Variants in MMP16 observed in about 807,000 individuals in gnomAD.
MMP16 encodes matrix metalloproteinase-16.
A neutral mutation model predicts 67.8 loss-of-function variants in MMP16; 12 were observed. The observed-to-expected ratio is 0.18, with a 90% CI of 0.11 to 0.29. The LOEUF (loss-of-function observed/expected upper bound fraction) is 0.29, where lower values mean the gene tolerates loss of function less well. Among genes scored for constraint, MMP16 ranks in the 10% least tolerant of loss-of-function variants. The probability of loss-of-function intolerance (pLI) is 1.00; values close to 1 mark genes in which losing one functional copy is unlikely to be tolerated. For synonymous variants in MMP16, 249 were observed against 255.9 expected (o/e 0.97, Z 0.26); for missense variants, 475 against 765.7 (o/e 0.62, Z 4.48).
chr8:88,113,286 T>A (rs1809371725), intron 6 of MMP16, among the ~76,000 whole-genome samples: 1 of 151,824 alleles, frequency 6.6e-6, no homozygotes, highest in Non-Finnish European at 1.5e-5. Flanking sequence ...AGATGGGACA[T>A]CAGGAAGATG....
chr8:88,141,173 T>A (rs536613350), intron 4 of MMP16, among the ~76,000 whole-genome samples: 81 of 152,260 alleles, frequency 5.3e-4, no homozygotes, highest in African/African-American at 1.8e-3. Context: ...AATGACCAAG[T>A]GGAAGGAAAT....
chr8:88,287,501 T>A (rs1228445977), intron 1 of MMP16, among the ~76,000 whole-genome samples: 1 of 152,212 alleles, frequency 6.6e-6, no homozygotes, highest in Non-Finnish European at 1.5e-5. Context: ...ATTTACTTCA[T>A]ACATAATACC....
At chr8:88,160,578 A>G (rs950532710) in intron 4 of MMP16, among the ~76,000 whole-genome samples, 5 of 152,132 alleles carry the variant, frequency 3.3e-5, no homozygotes, top group African/African-American at 1.2e-4. Context: ...CAAAACCATG[A>G]TGAGATACCA....
chr8:88,306,514 G>C (rs1811213896), intron 1 of MMP16, among the ~76,000 whole-genome samples: 1 of 152,080 alleles, frequency 6.6e-6, no homozygotes, highest in South Asian at 2.1e-4. Flanking sequence ...GATGAACATG[G>C]ATGTAAAAAT....
At chr8:88,068,610 ATC>A (rs1808493789) in intron 7 of MMP16, among the ~76,000 whole-genome samples, 1 of 152,006 alleles carries the variant, frequency 6.6e-6, no homozygotes. Context: ...TTTTACATGT[ATC>A]TTTGTCAAAA....
In MMP16 at chr8:88,065,101, G is replaced by C. The variant is rs563528518; in HGVS notation, c.1223-8823C>G. Among the ~76,000 whole-genome samples the C allele has an allele frequency of 3.3e-3, 508 of 152,200 alleles. 4 individuals carry two copies. Among genetic ancestry groups the C allele is most frequent in the Non-Finnish European group, 5.6e-3 (383 of 67,990 alleles). On this transcript the variant is annotated intron_variant, in intron 7 of 9. Transcript: ENST00000286614. ...TCTAAGAGGCATTCTTTGATGTGAA[G>C]CTTGGCATCGGGTTCACCAAGACTT...
intron 6 of MMP16, among the ~76,000 whole-genome samples, chr8:88,092,331 C>T (rs1035338179): frequency 9.9e-5 from 15 of 151,926 alleles, no homozygotes; most frequent in African/African-American, 3.1e-4. Context: ...TTGCATTGCT[C>T]GTTCCTTTAT....
chr8:88,204,535 A>G (rs547632053), intron 1 of MMP16, among the ~76,000 whole-genome samples: 32 of 152,282 alleles, frequency 2.1e-4, no homozygotes, highest in African/African-American at 7.5e-4. Flanking sequence ...AGAGCAAAAC[A>G]ATGTAAATAT....
chr8:88,249,210 G>A (rs1439578860), intron 1 of MMP16, among the ~76,000 whole-genome samples: 2 of 151,948 alleles, frequency 1.3e-5, no homozygotes, highest in East Asian at 3.9e-4. Context: ...GGAAATGGAT[G>A]CGGCAGAAAA....
rs373538518 is a variant in MMP16, at chr8:88,164,308, GA to G, written c.709+3360del. 9.4e-3 allele frequency among the ~76,000 whole-genome samples: 1,358 copies of G among 144,678 alleles called. 17 individuals carry two copies. Among genetic ancestry groups the G allele is most frequent in the Middle Eastern group, 0.078 (22 of 282 alleles). 94.9% of individuals were successfully genotyped at this position (144,678 alleles called of 152,430 possible). Reference sequence around the variant, plus strand: ...GGGGGCATTCCAGGACTAGATTAAAGAAAAAAAAAAAGTTTATCCATGAAGA... The same window carrying G: ...GGGGGCATTCCAGGACTAGATTAAAGAAAAAAAAAAGTTTATCCATGAAGA... On this transcript the variant is annotated intron_variant, in intron 4 of 9. Transcript: ENST00000286614.
At chr8:88,097,661 A>C (rs866074959) in intron 6 of MMP16, among the ~76,000 whole-genome samples, 1 of 150,596 alleles carries the variant, frequency 6.6e-6, no homozygotes, top group Non-Finnish European at 1.5e-5. Context: ...TGAAAACATC[A>C]AAAGAATGGG....
At chr8:88,131,958 A>T (rs557729980) in intron 4 of MMP16, among the ~76,000 whole-genome samples, 1 of 151,870 alleles carries the variant, frequency 6.6e-6, no homozygotes, top group African/African-American at 2.4e-5. Flanking sequence ...CATTCATTAC[A>T]TTATGTCGTT....
chr8:88,317,133 G>A (rs1009908965), intron 1 of MMP16, among the ~76,000 whole-genome samples: 7 of 152,168 alleles, frequency 4.6e-5, no homozygotes, highest in Admixed American at 1.3e-4. Flanking sequence ...TTACATAAAC[G>A]TAGTTGATAA....
chr8:88,241,485 G>T (rs924948093), intron 1 of MMP16, among the ~76,000 whole-genome samples: 4 of 152,030 alleles, frequency 2.6e-5, no homozygotes, highest in East Asian at 1.9e-4. Context: ...GATTATTTAG[G>T]TAGAGAGTTT....
At chr8:88,218,866 C>G (rs985680650) in intron 1 of MMP16, among the ~76,000 whole-genome samples, 1 of 151,964 alleles carries the variant, frequency 6.6e-6, no homozygotes, top group African/African-American at 2.4e-5. Flanking sequence ...TTCATTATTA[C>G]AACATTTTAG....
chr8:88,225,373 G>T (rs540998827), intron 1 of MMP16, among the ~76,000 whole-genome samples: 2 of 151,930 alleles, frequency 1.3e-5, no homozygotes, highest in East Asian at 1.9e-4. Context: ...CAGTTTATCC[G>T]AATTAACTTG....
At chr8:88,096,430 T>C (rs1563530337) in intron 6 of MMP16, among the ~76,000 whole-genome samples, 1 of 151,944 alleles carries the variant, frequency 6.6e-6, no homozygotes, top group Non-Finnish European at 1.5e-5. Flanking sequence ...TATTTCAAAT[T>C]TGAATGCTGA....
At chr8:88,063,470 G>A (rs1290184379) in intron 7 of MMP16, among the ~76,000 whole-genome samples, 2 of 146,982 alleles carry the variant, frequency 1.4e-5, no homozygotes, top group African/African-American at 5.1e-5. Flanking sequence ...GAAACATGCA[G>A]TACCTAATAA....
intron 1 of MMP16, among the ~76,000 whole-genome samples, chr8:88,306,272 T>G (rs1811210500): frequency 6.6e-6 from 1 of 152,096 alleles, no homozygotes; most frequent in Admixed American, 6.6e-5. Flanking sequence ...CAGTGAGTTC[T>G]GAAACTGAGG....
Sources: gnomAD v4.1 joint callset for allele counts (sites outside exome capture counted in the v4.1 genomes callset) on GRCh38, gnomAD v4.1.1 for gene constraint, MANE v1.5 for transcripts, NCBI Gene and HGNC (gene_info 2026-07-23, HGNC 2026-07-21) for gene names.